TNKS: variants seen among roughly 807,000 people sequenced by gnomAD.
The protein encoded by TNKS is tankyrase.
TNKS carries 72 observed loss-of-function variants against 135.8 expected under a neutral mutation model. The ratio of observed to expected loss-of-function variants is 0.53; its 90% CI spans 0.44 to 0.64. The LOEUF (loss-of-function observed/expected upper bound fraction) is 0.64. Among genes scored for constraint, TNKS ranks in the 30% least tolerant of loss-of-function variants. The probability of loss-of-function intolerance (pLI) is 0.00; values close to 1 mark genes in which losing one functional copy is unlikely to be tolerated. For synonymous variants in TNKS, 849 were observed against 649.3 expected (o/e 1.31, Z -4.68); for missense variants, 1,769 against 1,674.0 (o/e 1.06, Z -0.99).
chr8:9,557,035 C>G (rs1815349011), intron 1 of TNKS: 1 of 247,938 alleles, frequency 4.0e-6, no homozygotes, highest in Non-Finnish European at 7.8e-6. Flanking sequence ...TACAACCCAA[C>G]ACATGTTTGA....
rs1356340719 is a variant in TNKS, at chr8:9,706,987, G to A, written c.1446G>A (p.Glu482=). 7 of 1,591,622 alleles carry A rather than the reference G, an allele frequency of 4.4e-6. No individual in the cohort carries two copies. In the East Asian group the frequency reaches 1.6e-4, roughly 36 times the overall value. Reference sequence around the variant, plus strand: ...TGGCTCCAACTCCGGAGCTTAGGGAGAGATTGACTTGTACGTATTTATATC... The same window carrying A: ...TGGCTCCAACTCCGGAGCTTAGGGAAAGATTGACTTGTACGTATTTATATC... ...VDMAPTPELR[E]RLTYEFKGHS... is the part of the protein sequence containing the mutation. The change falls in exon 8 of 27, where the codon GAG becomes GAA. Residue 482 remains glutamate (E), a synonymous_variant. Transcript: ENST00000310430.
At chr8:9,762,860 A>C (rs1425711051) in intron 21 of TNKS, among the ~76,000 whole-genome samples, 5 of 150,744 alleles carry the variant, frequency 3.3e-5, no homozygotes, top group Admixed American at 3.3e-4. Flanking sequence ...AGCCGAGATC[A>C]CGTCACTGCA....
chr8:9,593,278 A>C (rs1038529098), intron 2 of TNKS, among the ~76,000 whole-genome samples: 5 of 152,242 alleles, frequency 3.3e-5, no homozygotes. Flanking sequence ...CAGATGATTC[A>C]GATTACCTAC....
chr8:9,637,644 A>C (rs1367255196), intron 3 of TNKS, among the ~76,000 whole-genome samples: 3 of 152,224 alleles, frequency 2.0e-5, no homozygotes, highest in Non-Finnish European at 4.4e-5. Context: ...CCAGGAGAGC[A>C]ACAAATTTTG....
At chr8:9,772,808 TTTGTGTGTGTGTGTGTGTGTGTCTG>T (rs1563227251) in intron 26 of TNKS, among the ~76,000 whole-genome samples, 12 of 102,480 alleles carry the variant, frequency 1.2e-4, no homozygotes, top group African/African-American at 5.2e-4. Flanking sequence ...TGTGTGTGTG[TTTGTGTGTGTGTGTGTGTGTGTCTG>T]TGTGTGTGTG....
chr8:9,687,189 C>T (rs1803041953), intron 5 of TNKS, among the ~76,000 whole-genome samples: 1 of 152,140 alleles, frequency 6.6e-6, no homozygotes, highest in Non-Finnish European at 1.5e-5. Flanking sequence ...GATAAAAGGT[C>T]ATACCAGTTT....
rs1308761104 is a variant in TNKS at position 9,779,223 on chromosome 8, A to G, written c.*2487A>G. 1 of 152,634 alleles carries G rather than the reference A, an allele frequency of 6.6e-6. No homozygotes were observed. Among genetic ancestry groups the G allele is most frequent in the Non-Finnish European group, 1.5e-5 (1 of 68,046 alleles). The allele number at this position is 152,634 out of a possible 1,614,324, so 9.5% of individuals were successfully genotyped here. ...GAAAACCAAAGGTCATCATGAGTGC[A>G]CTCAAAAGTTAGGACAAGTTTATTA... On this transcript the variant is annotated 3_prime_UTR_variant, in exon 27 of 27. Transcript: ENST00000310430.
chr8:9,729,203 A>G (rs1295869382), intron 13 of TNKS, among the ~76,000 whole-genome samples: 3 of 152,202 alleles, frequency 2.0e-5, no homozygotes, highest in Non-Finnish European at 4.4e-5. Flanking sequence ...CACATTCAGG[A>G]GGGAAGAGTC....
In TNKS at chr8:9,740,661, C is replaced by T. The variant is rs555877029; in HGVS notation, c.2643+5175C>T. ...CTTGAAACTACAGTATTTAAAGTTA[C>T]CTTTCTAAAGATGAGTAGTCTTTTA... is the stretch of plus-strand genomic sequence containing the variant. On this transcript the variant is annotated intron_variant, in intron 17 of 26. Transcript: ENST00000310430. 3.3e-5 allele frequency among the ~76,000 whole-genome samples: 5 copies of T among 152,164 alleles called. No homozygotes were observed. In the South Asian group the frequency reaches 6.2e-4, roughly 19 times the overall value.
chr8:9,567,615 C>T (rs1797596320), intron 1 of TNKS, among the ~76,000 whole-genome samples: 1 of 152,202 alleles, frequency 6.6e-6, no homozygotes, highest in Non-Finnish European at 1.5e-5. Flanking sequence ...GACGGGGTTT[C>T]ACCGTGTTAG....
intron 5 of TNKS, 144 bp downstream of exon 5, chr8:9,680,944 G>A: frequency 1.8e-6 from 1 of 543,486 alleles, no homozygotes; most frequent in Non-Finnish European, 3.3e-6. Context: ...TACTATATCT[G>A]TTATTGGCAG....
At chr8:9,681,078 A>C (rs1802762143) in intron 5 of TNKS, 2 of 274,678 alleles carry the variant, frequency 7.3e-6, no homozygotes, top group Non-Finnish European at 1.4e-5. Context: ...AAATTACAGC[A>C]TATGCTCTTT....
chr8:9,659,269 C>G (rs749195777), intron 3 of TNKS, among the ~76,000 whole-genome samples: 69 of 152,220 alleles, frequency 4.5e-4, no homozygotes, highest in Non-Finnish European at 7.2e-4. Context: ...CACCCCAAAT[C>G]AACAGAATAT....
intron 5 of TNKS, among the ~76,000 whole-genome samples, chr8:9,693,362 A>C (rs563087586): frequency 1.3e-5 from 2 of 152,318 alleles, no homozygotes; most frequent in Admixed American, 1.3e-4. Context: ...CTCAGAGAGA[A>C]AACAAATACA....
rs75659629 is a variant in TNKS at position 9,723,219 on chromosome 8, T to C, written c.1921+2674T>C. On this transcript the variant is annotated intron_variant, in intron 12 of 26. Transcript: ENST00000310430. Reference sequence around the variant, plus strand: ...TAGGATATGAGTTTTTAAACTACTATTTTTACCAGGAATTTGTATGTCTCT... The same window carrying C: ...TAGGATATGAGTTTTTAAACTACTACTTTTACCAGGAATTTGTATGTCTCT... Among the ~76,000 whole-genome samples, 239 of 151,960 alleles carry C rather than the reference T, an allele frequency of 1.6e-3. 3 individuals carry two copies. The highest frequency in any genetic ancestry group is 0.016 in the East Asian group (81 of 5,166).
intron 20 of TNKS, among the ~76,000 whole-genome samples, chr8:9,755,891 A>T (rs1249383883): frequency 6.6e-6 from 1 of 152,138 alleles, no homozygotes; most frequent in Non-Finnish European, 1.5e-5. Context: ...ACTCTCTTGG[A>T]AGTCTCTAAA....
intron 3 of TNKS, among the ~76,000 whole-genome samples, chr8:9,672,995 A>T (rs1056800008): frequency 6.6e-6 from 1 of 152,228 alleles, no homozygotes; most frequent in South Asian, 2.1e-4. Context: ...CCACTGGTTA[A>T]CAGCTTCTAG....
rs1351491030 is a variant in TNKS, at chr8:9,781,817, T to C, written c.*5081T>C. 1 of 152,770 alleles carries C rather than the reference T, an allele frequency of 6.5e-6. No homozygotes were observed. Among genetic ancestry groups the C allele is most frequent in the East Asian group, 1.9e-4 (1 of 5,172 alleles). The allele number at this position is 152,770 out of a possible 1,614,324, so 9.5% of individuals were successfully genotyped here. On this transcript the variant is annotated 3_prime_UTR_variant, in exon 27 of 27. Coordinates refer to ENST00000310430, the MANE Select transcript of TNKS (RefSeq NM_003747.3). The stretch of plus-strand genomic sequence containing the variant: ...TTTGGTTCATTATTCGTGTTGTTTT[T>C]ATTTTTAGTCTCTGTGTGACCCAAC...
chr8:9,724,993 G>A (rs865825314), intron 12 of TNKS, among the ~76,000 whole-genome samples: 2 of 152,036 alleles, frequency 1.3e-5, no homozygotes, highest in African/African-American at 4.8e-5. Flanking sequence ...TCTTTATTTT[G>A]TTGAAATGAA....
Sources: gnomAD v4.1 joint callset for allele counts (sites outside exome capture counted in the v4.1 genomes callset) on GRCh38, gnomAD v4.1.1 for gene constraint, MANE v1.5 for transcripts, NCBI Gene and HGNC (gene_info 2026-07-23, HGNC 2026-07-21) for gene names.